The following TTC28 variants were observed in gnomAD, a reference collection of about 807,000 sequenced individuals.
TTC28 encodes tetratricopeptide repeat protein 28.
Under a neutral mutation model 198.0 loss-of-function variants are expected in TTC28, and 61 were observed. That is an observed-to-expected ratio of 0.31 (90% CI 0.25 to 0.38). The LOEUF (loss-of-function observed/expected upper bound fraction) is 0.38. TTC28 is among the 10% of genes least tolerant of loss of function. The probability of loss-of-function intolerance (pLI) is 1.00; values close to 1 mark genes in which losing one functional copy is unlikely to be tolerated. For missense variants in TTC28, 2,678 were observed against 3,164.0 expected, an observed-to-expected ratio of 0.85 and a Z score of 3.69; for synonymous variants, 1,171 against 1,297.8, an observed-to-expected ratio of 0.90 and a Z score of 2.10.
intron 5 of TTC28, among the ~76,000 whole-genome samples, chr22:28,210,589 A>G (rs942301714): frequency 1.3e-5 from 2 of 152,152 alleles, no homozygotes; most frequent in Admixed American, 6.5e-5. Context: ...AGTTTAGAGG[A>G]AAAAAAGTAA....
At chr22:28,563,309 G>C (rs1374040598) in intron 2 of TTC28, among the ~76,000 whole-genome samples, 1 of 152,082 alleles carries the variant, frequency 6.6e-6, no homozygotes, top group Non-Finnish European at 1.5e-5. Context: ...AAGATAACCT[G>C]ATTGACTTGA....
chr22:28,548,332 G>T (rs2049587291), intron 2 of TTC28, among the ~76,000 whole-genome samples: 1 of 152,188 alleles, frequency 6.6e-6, no homozygotes, highest in African/African-American at 2.4e-5. Context: ...GTATCTCAGG[G>T]TGTTGAGGAA....
chr22:28,365,892 A>G (rs2046239037), intron 2 of TTC28, among the ~76,000 whole-genome samples: 1 of 152,210 alleles, frequency 6.6e-6, no homozygotes, highest in Non-Finnish European at 1.5e-5. Context: ...TTTTAAAAAA[A>G]TGATGTGCAA....
chr22:28,070,748 C>A (rs1443430024), intron 12 of TTC28, among the ~76,000 whole-genome samples: 1 of 152,146 alleles, frequency 6.6e-6, no homozygotes, highest in Non-Finnish European at 1.5e-5. Flanking sequence ...TTCAGTCTTT[C>A]CATTTCATCT....
intron 1 of TTC28, 51 bp from the exon 2 acceptor site, chr22:28,629,881 T>A: frequency 5.5e-6 from 8 of 1,443,536 alleles, no homozygotes; most frequent in African/African-American, 1.4e-5. Flanking sequence ...CCAGATGGGT[T>A]CCCCATCTGC....
At chr22:28,603,439 G>C (rs956348901) in intron 2 of TTC28, among the ~76,000 whole-genome samples, 16 of 151,706 alleles carry the variant, frequency 1.1e-4, no homozygotes, top group African/African-American at 3.9e-4. Context: ...CCAAGCCAGA[G>C]TGCAATGGCA....
chr22:28,452,389 CAAAAAAAAAAAAAAAAA>C (rs71194768), intron 2 of TTC28, among the ~76,000 whole-genome samples: 4 of 43,226 alleles, frequency 9.3e-5, no homozygotes, highest in Non-Finnish European at 1.5e-4. Flanking sequence ...GATTCCATCT[CAAAAAAAAAAAAAAAAA>C]AAAAAAAAAA....
chr22:28,147,388 T>C (rs559428820), intron 6 of TTC28, among the ~76,000 whole-genome samples: 14 of 152,180 alleles, frequency 9.2e-5, no homozygotes, highest in Non-Finnish European at 1.6e-4. Context: ...TGTGCTTAAG[T>C]ACAGCCGTTA....
chr22:28,443,950 G>A (rs956738536), intron 2 of TTC28, among the ~76,000 whole-genome samples: 1 of 152,144 alleles, frequency 6.6e-6, no homozygotes, highest in African/African-American at 2.4e-5. Flanking sequence ...AAAAAGATTT[G>A]AAGTATCTGG....
intron 22 of TTC28, 74 bp from the exon 23 acceptor site, chr22:27,983,925 G>C: frequency 6.9e-7 from 1 of 1,441,984 alleles, no homozygotes; most frequent in Non-Finnish European, 9.2e-7. Flanking sequence ...CAAAATTTAC[G>C]ACATCTTTAT....
At chr22:28,428,731 C>G (rs531384796) in intron 2 of TTC28, among the ~76,000 whole-genome samples, 7 of 151,828 alleles carry the variant, frequency 4.6e-5, no homozygotes, top group Admixed American at 1.3e-4. Context: ...CTCCGCCTCC[C>G]GGGATCACGC....
chr22:28,465,583 C>T (rs1413431298), intron 2 of TTC28, among the ~76,000 whole-genome samples: 11 of 150,906 alleles, frequency 7.3e-5, no homozygotes, highest in Non-Finnish European at 1.6e-4. Context: ...TAGATGGTGC[C>T]ACTGCACTCC....
intron 2 of TTC28, among the ~76,000 whole-genome samples, chr22:28,450,382 G>A (rs1275779358): frequency 2.6e-5 from 4 of 152,122 alleles, no homozygotes; most frequent in Non-Finnish European, 4.4e-5. Context: ...ATAATGCCTG[G>A]TTCAAACCCT....
intron 5 of TTC28, among the ~76,000 whole-genome samples, chr22:28,260,230 G>C (rs1931225425): frequency 6.6e-6 from 1 of 152,132 alleles, no homozygotes; most frequent in Non-Finnish European, 1.5e-5. Flanking sequence ...GGAAGAAGTA[G>C]AAAACCAGTA....
At chr22:28,557,017 C>T (rs2049797181) in intron 2 of TTC28, among the ~76,000 whole-genome samples, 1 of 152,156 alleles carries the variant, frequency 6.6e-6, no homozygotes, top group Non-Finnish European at 1.5e-5. Context: ...GCACAATACC[C>T]TATTAGTTAT....
intron 2 of TTC28, among the ~76,000 whole-genome samples, chr22:28,615,180 C>G (rs181461992): frequency 3.5e-4 from 54 of 152,254 alleles, no homozygotes; most frequent in Non-Finnish European, 6.3e-4. Flanking sequence ...ATTTATGCAG[C>G]CAACAGTTAC....
At chr22:28,564,311 A>T (rs1222570095) in intron 2 of TTC28, among the ~76,000 whole-genome samples, 3 of 152,138 alleles carry the variant, frequency 2.0e-5, no homozygotes, top group Admixed American at 6.5e-5. Flanking sequence ...TAAGTGTAAA[A>T]TTTTTTAATA....
intron 5 of TTC28, among the ~76,000 whole-genome samples, chr22:28,202,969 T>C (rs906184071): frequency 2.0e-5 from 3 of 152,166 alleles, no homozygotes; most frequent in Non-Finnish European, 2.9e-5. Flanking sequence ...GAATGCTAAA[T>C]TGGATGTTTA....
At chr22:28,099,773 C>T (rs142354365) in intron 9 of TTC28, among the ~76,000 whole-genome samples, 1 of 152,320 alleles carries the variant, frequency 6.6e-6, no homozygotes, top group Non-Finnish European at 1.5e-5. Context: ...CACCCTCGTG[C>T]CTCATGGTGA....
Sources: allele counts gnomAD v4.1 joint callset (sites outside exome capture counted in the v4.1 genomes callset), GRCh38; gene constraint gnomAD v4.1.1; transcripts MANE v1.5; gene names NCBI Gene and HGNC (gene_info 2026-07-23, HGNC 2026-07-21).